RBFOX1: variants seen among roughly 807,000 people sequenced by gnomAD.
RBFOX1 encodes RNA binding fox-1 homolog 1.
A neutral mutation model predicts 57.7 loss-of-function variants in RBFOX1; 8 were observed. The ratio of observed to expected loss-of-function variants is 0.14; its 90% CI spans 0.08 to 0.25. The LOEUF (loss-of-function observed/expected upper bound fraction) is 0.25, where lower values mean the gene tolerates loss of function less well. Ranked by LOEUF, RBFOX1 falls within the 10% of genes least tolerant of loss-of-function variation. RBFOX1 has a pLI of 1.00. For missense variants in RBFOX1, 611 were observed against 548.5 expected, an observed-to-expected ratio of 1.11 and a Z score of -1.14; for synonymous variants, 326 against 222.4, an observed-to-expected ratio of 1.47 and a Z score of -4.15.
chr16:6,636,392 G>T (rs902047476), intron 2 of RBFOX1, among the ~76,000 whole-genome samples: 3 of 151,974 alleles, frequency 2.0e-5, no homozygotes, highest in Non-Finnish European at 4.4e-5. Flanking sequence ...GGATGGTCTC[G>T]ATCTCCTGAC....
chr16:7,311,854 G>A (rs2096317739), intron 4 of RBFOX1, among the ~76,000 whole-genome samples: 1 of 152,206 alleles, frequency 6.6e-6, no homozygotes, highest in African/African-American at 2.4e-5. Context: ...ATGTAGGACA[G>A]AAGTCATGAG....
chr16:7,267,459 C>T (rs1011880001), intron 4 of RBFOX1, among the ~76,000 whole-genome samples: 1 of 151,974 alleles, frequency 6.6e-6, no homozygotes, highest in African/African-American at 2.4e-5. Flanking sequence ...TCACTTGAAC[C>T]TAGTAGGTGG....
At chr16:6,929,800 A>C (rs2076211220) in intron 3 of RBFOX1, among the ~76,000 whole-genome samples, 1 of 152,158 alleles carries the variant, frequency 6.6e-6, no homozygotes, top group Non-Finnish European at 1.5e-5. Context: ...ATTGTATTCA[A>C]AGAAGTTGCT....
At chr16:5,641,006 CACAT>C (rs1353145122) in intron 3 of RBFOX1, among the ~76,000 whole-genome samples, 1 of 151,660 alleles carries the variant, frequency 6.6e-6, no homozygotes, top group South Asian at 2.1e-4. Flanking sequence ...CATATGCACA[CACAT>C]ACATGCACAC....
intron 3 of RBFOX1, among the ~76,000 whole-genome samples, chr16:7,049,732 G>A (rs2049319099): frequency 1.3e-5 from 2 of 152,050 alleles, no homozygotes; most frequent in Admixed American, 6.6e-5. Flanking sequence ...ATCTCAAATA[G>A]CTCCCCCATG....
chr16:5,422,140 G>A (rs944519069), intron 1 of RBFOX1, among the ~76,000 whole-genome samples: 4 of 152,062 alleles, frequency 2.6e-5, no homozygotes, highest in Non-Finnish European at 5.9e-5. Context: ...AAAGATGTAT[G>A]TTTTAGGATG....
intron 4 of RBFOX1, among the ~76,000 whole-genome samples, chr16:7,266,280 A>C (rs2153090967): frequency 6.6e-6 from 1 of 151,700 alleles, no homozygotes; most frequent in Admixed American, 6.6e-5. Context: ...CGGCCGGTAG[A>C]GATGTGGTGA....
intron 13 of RBFOX1, among the ~76,000 whole-genome samples, chr16:7,674,911 A>T (rs1255874642): frequency 6.6e-6 from 1 of 152,242 alleles, no homozygotes; most frequent in Non-Finnish European, 1.5e-5. Flanking sequence ...TGCAAATAGG[A>T]TGTTGCTAGA....
chr16:6,440,166 A>G (rs992642165), intron 2 of RBFOX1, among the ~76,000 whole-genome samples: 1 of 151,746 alleles, frequency 6.6e-6, no homozygotes, highest in Non-Finnish European at 1.5e-5. Context: ...TGAACTCTTG[A>G]CCTCGTGATT....
At chr16:6,733,524 A>G (rs1293130200) in intron 3 of RBFOX1, among the ~76,000 whole-genome samples, 5 of 152,192 alleles carry the variant, frequency 3.3e-5, no homozygotes, top group Admixed American at 2.6e-4. Flanking sequence ...CATTTTTATA[A>G]TGAACCATTT....
intron 2 of RBFOX1, among the ~76,000 whole-genome samples, chr16:6,641,570 A>T (rs1033442516): frequency 6.6e-6 from 1 of 151,894 alleles, no homozygotes; most frequent in African/African-American, 2.4e-5. Flanking sequence ...CCCCGTCTCT[A>T]CTAGAAATAC....
intron 1 of RBFOX1, among the ~76,000 whole-genome samples, chr16:5,461,163 C>G (rs961632875): frequency 6.6e-6 from 1 of 152,162 alleles, no homozygotes; most frequent in Non-Finnish European, 1.5e-5. Flanking sequence ...GACTGAACCC[C>G]GTCGTGGTCT....
chr16:6,601,338 A>G (rs985692623), intron 2 of RBFOX1, among the ~76,000 whole-genome samples: 2 of 152,044 alleles, frequency 1.3e-5, no homozygotes, highest in African/African-American at 2.4e-5. Flanking sequence ...CTTTCATTAG[A>G]GTTTCTTGTC....
At chr16:7,579,963 T>C (rs1243878124) in intron 6 of RBFOX1, 43 bp downstream of exon 6, 3 of 1,594,722 alleles carry the variant, frequency 1.9e-6, no homozygotes, top group East Asian at 2.2e-5. Context: ...CTCTGGGGGT[T>C]CCAGAGACCT....
intron 3 of RBFOX1, among the ~76,000 whole-genome samples, chr16:6,769,818 C>T (rs1276537755): frequency 2.0e-5 from 3 of 152,102 alleles, no homozygotes; most frequent in African/African-American, 7.2e-5. Flanking sequence ...AGCAATGATG[C>T]CACAAAACAC....
chr16:5,849,370 C>T (rs756098825), intron 3 of RBFOX1, among the ~76,000 whole-genome samples: 2 of 151,908 alleles, frequency 1.3e-5, no homozygotes, highest in Non-Finnish European at 2.9e-5. Context: ...ACCATGAGGC[C>T]CTGCTTCCTC....
chr16:5,993,641 C>T (rs780966041), intron 4 of RBFOX1, among the ~76,000 whole-genome samples: 12 of 152,116 alleles, frequency 7.9e-5, no homozygotes, highest in Non-Finnish European at 1.5e-4. Context: ...ATTAGTTCTC[C>T]ATCAAGGAGC....
chr16:6,102,962 T>A lies in RBFOX1; in HGVS notation c.-127+82970T>A, dbSNP rs533147829. 3.3e-5 allele frequency among the ~76,000 whole-genome samples: 5 copies of A among 152,296 alleles called. No homozygotes were observed. The South Asian group carries it at 8.3e-4, about 25-fold the overall frequency. ...AGGCTTCTTAGAGTGTTCAGGGCCA[T>A]TCTAATGCTTTCCCTTGGTTCAGTC... On this transcript the variant is annotated intron_variant, in intron 1 of 15. Coordinates refer to ENST00000550418, the MANE Select transcript of RBFOX1 (RefSeq NM_018723.4).
At chr16:6,280,907 C>G (rs537027488) in intron 1 of RBFOX1, among the ~76,000 whole-genome samples, 4 of 151,298 alleles carry the variant, frequency 2.6e-5, no homozygotes, top group African/African-American at 9.7e-5. Context: ...CGTGCTCAGT[C>G]TAACATCTCC....
Sources: allele counts gnomAD v4.1 joint callset (sites outside exome capture counted in the v4.1 genomes callset), GRCh38; gene constraint gnomAD v4.1.1; transcripts MANE v1.5; gene names NCBI Gene and HGNC (gene_info 2026-07-23, HGNC 2026-07-21).